HMX1: variants seen among roughly 807,000 people sequenced by gnomAD.
The protein encoded by HMX1 is H6 family homeobox 1, also known as homeobox protein HMX1.
HMX1 carries 8 observed loss-of-function variants against 8.9 expected under a neutral mutation model. That is an observed-to-expected ratio of 0.90 (90% CI 0.53 to 1.63). The LOEUF is 1.63. HMX1 is among the 40% of genes most tolerant of loss of function. The pLI is 0.00. For synonymous variants in HMX1, 311 were observed against 283.4 expected, an observed-to-expected ratio of 1.10 and a Z score of -0.98; for missense variants, 621 against 558.5, an observed-to-expected ratio of 1.11 and a Z score of -1.13.
In HMX1 at chr4:8,871,551, C is replaced by T. The variant is rs1308548251; in HGVS notation, c.64G>A (p.Glu22Lys). ...TTGGCCTCGGCCGCCAGCAGGTTCT[C>T]GATGAGGAAGGAGGAGGCGCGGGCC... ...TPARASSFLI[E>K]NLLAAEAKGA... Residue 22 changes from glutamate (E) to lysine (K), a missense_variant, in exon 1 of 2, where the codon GAG becomes AAG. Transcript: ENST00000400677. The surrounding 1 kb of genome is among the most constrained non-coding windows in gnomAD (Gnocchi z 4.8). 2 of 1,366,528 alleles carry T rather than the reference C, an allele frequency of 1.5e-6. No homozygotes were observed. Among genetic ancestry groups the T allele is most frequent in the Admixed American group, 3.1e-5 (1 of 32,420 alleles). The allele number at this position is 1,366,528 out of a possible 1,614,324, so 84.7% of individuals were successfully genotyped here.
intron 1 of HMX1, among the ~76,000 whole-genome samples, chr4:8,859,904 C>G (rs539824115): frequency 5.3e-5 from 8 of 152,370 alleles, no homozygotes; most frequent in Admixed American, 5.2e-4. Flanking sequence ...CGGCTCTGGG[C>G]CCGGATCTGT....
chr4:8,865,288 C>G (rs4956759), downstream of HMX1, among the ~76,000 whole-genome samples: 1 of 152,246 alleles, frequency 6.6e-6, no homozygotes, highest in African/African-American at 2.4e-5. Flanking sequence ...ACAGCGATAA[C>G]CCCTTTGGCC....
chr4:8,846,182 G>A (rs1164359561), exon 2 of HMX1: 4 of 1,310,612 alleles, frequency 3.1e-6, no homozygotes, highest in Non-Finnish European at 4.2e-6. Flanking sequence ...GCTCCACCGT[G>A]TTGTGGCTGC....
intron 1 of HMX1, among the ~76,000 whole-genome samples, chr4:8,852,618 G>A (rs946446809): frequency 3.3e-5 from 5 of 152,218 alleles, no homozygotes; most frequent in South Asian, 2.1e-4. Context: ...CAGCCTCCGG[G>A]GCTGGGGAAG....
intron 1 of HMX1, among the ~76,000 whole-genome samples, chr4:8,859,538 AGAG>A (rs1245012880): frequency 6.6e-5 from 10 of 152,104 alleles, no homozygotes; most frequent in Admixed American, 5.9e-4. Context: ...TGGAAGAGGG[AGAG>A]GAGGATTGAG....
At chr4:8,861,260 A>G (rs1721804612) in intron 1 of HMX1, among the ~76,000 whole-genome samples, 1 of 151,964 alleles carries the variant, frequency 6.6e-6, no homozygotes, top group East Asian at 2.0e-4. Flanking sequence ...GGCCCGGACC[A>G]GAAGCTGCGG....
At chr4:8,865,345 C>T (rs1195214325), downstream of HMX1, among the ~76,000 whole-genome samples, 7 of 152,218 alleles carry the variant, frequency 4.6e-5, no homozygotes, top group Non-Finnish European at 5.9e-5. Context: ...GGCAGGCGTC[C>T]TCGTGGTGCG....
At position 8,868,052 on chromosome 4, in the gene HMX1, T is replaced by C. The variant is rs1284254086; in HGVS notation, c.688A>G (p.Ser230Gly). The change falls in exon 2 of 2, where the codon AGC (serine) becomes GGC (glycine). Residue 230 changes from serine (S) to glycine (G), a missense_variant. Coordinates refer to ENST00000400677, the MANE Select transcript of HMX1 (RefSeq NM_018942.3). This position sits in a 1 kb window ranked among gnomAD's most constrained non-coding sequence, Gnocchi z 4.6. The part of the protein sequence containing the change: ...STFDLKRYLS[S>G]AERAGLAASL... Reference sequence around the variant, plus strand: ...GCGGCCAGGCCGGCGCGCTCGGCGCTGCTCAGGTAGCGCTTCAGGTCGAAG... The same window carrying C: ...GCGGCCAGGCCGGCGCGCTCGGCGCCGCTCAGGTAGCGCTTCAGGTCGAAG... 1.3e-6 allele frequency: 2 copies of C among 1,540,058 alleles called. No individual in the cohort carries two copies. The highest frequency in any genetic ancestry group is 1.7e-6 in the Non-Finnish European group (2 of 1,146,108).
At position 8,868,207 on chromosome 4, in the gene HMX1, T is replaced by G. The variant is rs1722088437; in HGVS notation, c.533A>C (p.Glu178Ala). Residue 178 changes from glutamate (E) to alanine (A), a missense_variant, in exon 2 of 2, where the codon GAG becomes GCG. Transcript: ENST00000400677. The surrounding 1 kb of genome is among the most constrained non-coding windows in gnomAD (Gnocchi z 4.6). Reference sequence around the variant, plus strand: ...AGGGACCTCGGCCAGCTCCGACGCCTCCTCCGTGCCGGCCGCCGGGCCACG... The same window carrying G: ...AGGGACCTCGGCCAGCTCCGACGCCGCCTCCGTGCCGGCCGCCGGGCCACG... ...AARGPAAGTE[E>A]ASELAEVPAA... 1.4e-6 allele frequency: 2 copies of G among 1,459,498 alleles called. No individual in the cohort carries two copies. The highest frequency in any genetic ancestry group is 3.0e-5 in the East Asian group (1 of 33,848). 90.4% of individuals were successfully genotyped at this position (1,459,498 alleles called of 1,614,324 possible). A position where few individuals can be genotyped will look rare whatever the true frequency, so the allele number is the denominator to read the frequency against.
intron 1 of HMX1, among the ~76,000 whole-genome samples, chr4:8,869,519 C>T (rs1288900595): frequency 1.3e-5 from 2 of 152,372 alleles, no homozygotes; most frequent in East Asian, 1.9e-4. Flanking sequence ...AGCATTTGCA[C>T]GCTCATGCAA....
intron 1 of HMX1, among the ~76,000 whole-genome samples, chr4:8,855,209 T>C (rs1229973163): frequency 2.0e-5 from 3 of 152,198 alleles, no homozygotes; most frequent in African/African-American, 7.2e-5. Flanking sequence ...TTAGATTCAT[T>C]TTACAGACCT....
At chr4:8,846,955 C>T (rs984291735) in intron 1 of HMX1, among the ~76,000 whole-genome samples, 1 of 152,182 alleles carries the variant, frequency 6.6e-6, no homozygotes. Flanking sequence ...TGTCAGGCAC[C>T]CCCTGAGGGC....
At chr4:8,869,228 T>C (rs1417009529) in intron 1 of HMX1, among the ~76,000 whole-genome samples, 1 of 152,166 alleles carries the variant, frequency 6.6e-6, no homozygotes, top group East Asian at 1.9e-4. Context: ...ACTCATCTCC[T>C]AGGAACAAGA....
chr4:8,871,574 G>C lies in HMX1; in HGVS notation c.41C>G (p.Ala14Gly). The stretch of plus-strand genomic sequence containing the variant: ...CTCGATGAGGAAGGAGGAGGCGCGG[G>C]CCGGCGTGGCGCGCCCGGGCTCCGT... ...ELTEPGRATP[A>G]RASSFLIENL... The change falls in exon 1 of 2, where the codon GCC becomes GGC. Residue 14 changes from alanine to glycine, a missense_variant. Coordinates refer to ENST00000400677, the MANE Select transcript of HMX1 (RefSeq NM_018942.3). The surrounding 1 kb of genome is among the most constrained non-coding windows in gnomAD (Gnocchi z 4.8). 2 of 1,351,338 alleles carry C rather than the reference G, an allele frequency of 1.5e-6. No individual in the cohort carries two copies. Among genetic ancestry groups the C allele is most frequent in the Non-Finnish European group, 9.5e-7 (1 of 1,048,536 alleles). The allele number at this position is 1,351,338 out of a possible 1,614,324, so 83.7% of individuals were successfully genotyped here.
chr4:8,867,752 C>T lies in HMX1; in HGVS notation c.988G>A (p.Ala330Thr), dbSNP rs1300956385. 3.1e-6 allele frequency: 4 copies of T among 1,287,446 alleles called. No individual in the cohort carries two copies. Among genetic ancestry groups the T allele is most frequent in the Non-Finnish European group, 3.9e-6 (4 of 1,020,954 alleles). 79.8% of individuals were successfully genotyped at this position (1,287,446 alleles called of 1,614,324 possible). The change falls in exon 2 of 2, where the codon GCC (alanine) becomes ACC (threonine). Residue 330 changes from alanine (A) to threonine (T), a missense_variant. Ala to Thr is a moderately conservative substitution (Grantham distance 58, BLOSUM62 0). Transcript: ENST00000400677. The stretch of plus-strand genomic sequence containing the variant: ...GGCACGGAGGCGGCGGCCGGGAAGG[C>T]GGCCAGCGGGTAGGCGAGGGCCCCG... ...FSGALAYPLA[A>T]FPAAASVPFL...
At chr4:8,865,837 G>T (rs1394206486), downstream of HMX1, among the ~76,000 whole-genome samples, 1 of 152,210 alleles carries the variant, frequency 6.6e-6, no homozygotes, top group African/African-American at 2.4e-5. Context: ...GTTTAGCCAG[G>T]AAAGCAGTTG....
chr4:8,868,053 G>T lies in HMX1; in HGVS notation c.687C>A (p.Ser229Arg). ...ESTFDLKRYLSSAERAGLAAS... is the reference protein window; with the variant it reads ...ESTFDLKRYLRSAERAGLAAS... Reference sequence around the variant, plus strand: ...CGGCCAGGCCGGCGCGCTCGGCGCTGCTCAGGTAGCGCTTCAGGTCGAAGG... The same window carrying T: ...CGGCCAGGCCGGCGCGCTCGGCGCTTCTCAGGTAGCGCTTCAGGTCGAAGG... Residue 229 changes from serine (S) to arginine (R), a missense_variant, in exon 2 of 2, where the codon AGC becomes AGA. Coordinates refer to ENST00000400677, the MANE Select transcript of HMX1 (RefSeq NM_018942.3). This position sits in a 1 kb window ranked among gnomAD's most constrained non-coding sequence, Gnocchi z 4.6. 6.5e-7 allele frequency: 1 copy of T among 1,540,200 alleles called. No homozygotes were observed. Among genetic ancestry groups the T allele is most frequent in the African/African-American group, 1.4e-5 (1 of 71,332 alleles).
intron 1 of HMX1, among the ~76,000 whole-genome samples, chr4:8,861,501 A>G (rs781115939): frequency 6.6e-6 from 1 of 152,194 alleles, no homozygotes; most frequent in Non-Finnish European, 1.5e-5. Context: ...CTCGGTGACC[A>G]GGGCAGATGC....
downstream of HMX1, among the ~76,000 whole-genome samples, chr4:8,864,968 C>T (rs1031909603): frequency 1.3e-5 from 2 of 150,914 alleles, no homozygotes; most frequent in African/African-American, 5.0e-5. Context: ...ACCCTGCACC[C>T]TCTGATGCTG....
Sources: allele counts gnomAD v4.1 joint callset (sites outside exome capture counted in the v4.1 genomes callset), GRCh38; gene constraint gnomAD v4.1.1; non-coding constraint Gnocchi (gnomAD v3.1); transcripts MANE v1.5; gene names NCBI Gene and HGNC (gene_info 2026-07-23, HGNC 2026-07-21).